HOXB3: variants seen among roughly 807,000 people sequenced by gnomAD.
HOXB3 encodes homeobox B3.
Under a neutral mutation model 29.2 loss-of-function variants are expected in HOXB3, and 17 were observed. The observed-to-expected ratio is 0.58, with a 90% CI of 0.40 to 0.87. The LOEUF (loss-of-function observed/expected upper bound fraction) is 0.87, where lower values mean the gene tolerates loss of function less well. Ranked by LOEUF, HOXB3 falls within the 40% of genes least tolerant of loss-of-function variation. The probability of loss-of-function intolerance (pLI) is 0.00; values close to 1 mark genes in which losing one functional copy is unlikely to be tolerated. For missense variants in HOXB3, 637 were observed against 616.3 expected, an observed-to-expected ratio of 1.03 and a Z score of -0.35; for synonymous variants, 317 against 285.9, an observed-to-expected ratio of 1.11 and a Z score of -1.10.
At chr17:48,566,039 T>G (rs575314681) in intron 2 of HOXB3, among the ~76,000 whole-genome samples, 21 of 152,230 alleles carry the variant, frequency 1.4e-4, no homozygotes, top group Non-Finnish European at 2.8e-4. Flanking sequence ...TGCAATTATA[T>G]AGAGAGGATA....
At chr17:48,573,403 C>T (rs1406627037) in intron 2 of HOXB3, among the ~76,000 whole-genome samples, 3 of 152,172 alleles carry the variant, frequency 2.0e-5, no homozygotes, top group African/African-American at 7.2e-5. Flanking sequence ...GGTAAACAGG[C>T]ATAGGGGACA....
rs898300905 is a variant in HOXB3, at chr17:48,558,614, G to A, written c.-246-2996C>T. ...GATTAGGGCTGGGAGGCTGGAGGAC[G>A]GAGGGTGGAACAGGCACCCCTAAGG... On this transcript the variant is annotated intron_variant, in intron 2 of 4. Coordinates refer to ENST00000498678, the MANE Select transcript of HOXB3 (RefSeq NM_001384749.1). Among the ~76,000 whole-genome samples the A allele has an allele frequency of 4.6e-5, 7 of 152,236 alleles. No individual in the cohort carries two copies. The East Asian group carries it at 1.4e-3, about 29-fold the overall frequency.
intron 2 of HOXB3, among the ~76,000 whole-genome samples, chr17:48,572,561 G>A (rs757766004): frequency 2.6e-5 from 4 of 152,142 alleles, no homozygotes; most frequent in Non-Finnish European, 5.9e-5. Flanking sequence ...AGGTGAAATA[G>A]TAAAGAGATG....
intron 1 of HOXB3, chr17:48,576,383 C>T (rs1172052753): frequency 4.6e-6 from 1 of 215,264 alleles, no homozygotes; most frequent in Non-Finnish European, 9.1e-6. Context: ...CCATCTTCGC[C>T]AAAGCTGAAA....
intron 1 of HOXB3, among the ~76,000 whole-genome samples, chr17:48,587,208 G>A (rs1428388246): frequency 2.6e-5 from 4 of 152,142 alleles, no homozygotes; most frequent in Non-Finnish European, 5.9e-5. Context: ...TTCTGCTTAA[G>A]GGGCCCCCGT....
At chr17:48,576,464 T>C in intron 1 of HOXB3, 1 of 390,254 alleles carries the variant, frequency 2.6e-6, no homozygotes, top group Non-Finnish European at 4.5e-6. Context: ...GCTTTTTCTT[T>C]TTCTTTTTTT....
At chr17:48,583,505 C>T (rs1372728333) in intron 1 of HOXB3, among the ~76,000 whole-genome samples, 1 of 152,190 alleles carries the variant, frequency 6.6e-6, no homozygotes, top group African/African-American at 2.4e-5. Context: ...AGGTGACTCC[C>T]TTTCCTCCCA....
chr17:48,572,642 G>A (rs943135261), intron 2 of HOXB3, among the ~76,000 whole-genome samples: 1 of 152,224 alleles, frequency 6.6e-6, no homozygotes, highest in Non-Finnish European at 1.5e-5. Flanking sequence ...TGTACAGAGA[G>A]ACAGATTAGC....
At chr17:48,569,995 T>C (rs2069530439) in intron 2 of HOXB3, among the ~76,000 whole-genome samples, 1 of 152,198 alleles carries the variant, frequency 6.6e-6, no homozygotes, top group Non-Finnish European at 1.5e-5. Context: ...TCTCTCTACC[T>C]ATGTCACACC....
At position 48,552,336 on chromosome 17, in the gene HOXB3, A is replaced by G. The variant is rs201124186; in HGVS notation, c.139T>C (p.Tyr47His). 6.8e-6 allele frequency: 11 copies of G among 1,613,978 alleles called. No homozygotes were observed. Among genetic ancestry groups the G allele is most frequent in the Non-Finnish European group, 9.3e-6 (11 of 1,179,972 alleles). Reference protein sequence around the residue: ...FQAATHLEGDYQRSACSLQSL... With the variant: ...FQAATHLEGDHQRSACSLQSL... ...TGCAGCGAGCAAGCTGAGCGCTGGT[A>G]GTCGCCCTCCAGGTGCGTGGCGGCC... Residue 47 changes from tyrosine (Y) to histidine (H), a missense_variant, in exon 4 of 5, where the codon TAC becomes CAC. Tyr to His is a moderately conservative substitution (Grantham distance 83). Coordinates refer to ENST00000498678, the MANE Select transcript of HOXB3 (RefSeq NM_001384749.1).
chr17:48,561,620 C>T (rs560702517), intron 2 of HOXB3, among the ~76,000 whole-genome samples: 1 of 152,330 alleles, frequency 6.6e-6, no homozygotes, highest in East Asian at 1.9e-4. Context: ...CACAGAGGTG[C>T]CCAATTTCAG....
intron 1 of HOXB3, among the ~76,000 whole-genome samples, chr17:48,587,131 G>C (rs1406202506): frequency 6.6e-6 from 1 of 152,110 alleles, no homozygotes; most frequent in African/African-American, 2.4e-5. Flanking sequence ...CCTGGGGAGG[G>C]CCACAGGATT....
chr17:48,555,485 A>G (rs1189056816), intron 3 of HOXB3, 46 bp downstream of exon 3: 3 of 701,926 alleles, frequency 4.3e-6, no homozygotes, highest in Non-Finnish European at 7.8e-6. Context: ...ATTGAGACAT[A>G]CTCTCCGCCA....
In HOXB3 at chr17:48,550,257, G is replaced by T; in HGVS notation, c.*77C>A. 1 of 1,586,072 alleles carries T rather than the reference G, an allele frequency of 6.3e-7. No individual in the cohort carries two copies. The highest frequency in any genetic ancestry group is 1.1e-5 in the South Asian group (1 of 87,598). On this transcript the variant is annotated 3_prime_UTR_variant, in exon 5 of 5. Coordinates refer to ENST00000498678, the MANE Select transcript of HOXB3 (RefSeq NM_001384749.1). ...CCACCTTCTCTGGCTCCTCTTTTCA[G>T]ACCTCCAGGTTGCCCCCCAGAGCTC... is the stretch of plus-strand genomic sequence containing the variant.
intron 1 of HOXB3, chr17:48,580,693 C>G (rs2069915816): frequency 6.6e-6 from 1 of 152,250 alleles, no homozygotes; most frequent in Non-Finnish European, 1.5e-5. Context: ...CCCAGCCTCT[C>G]ACACATCCTG....
rs1457017037 is a variant in HOXB3 at position 48,555,630 on chromosome 17, A to T, written c.-246-12T>A. ...ACAAATCTCCCCTCCTTGAAGGCAA[A>T]GGAAAAAAAGACCACTGTTTAAAGC... is the stretch of plus-strand genomic sequence containing the variant. On this transcript the variant is annotated splice_polypyrimidine_tract_variant and intron_variant, in intron 2 of 4. Coordinates refer to ENST00000498678, the MANE Select transcript of HOXB3 (RefSeq NM_001384749.1). The T allele has an allele frequency of 2.6e-5, 18 of 702,552 alleles. 1 individual carries two copies. Among genetic ancestry groups the T allele is most frequent in the Non-Finnish European group, 3.9e-5 (15 of 384,788 alleles). 43.5% of individuals were successfully genotyped at this position (702,552 alleles called of 1,614,324 possible).
intron 2 of HOXB3, among the ~76,000 whole-genome samples, chr17:48,556,122 AG>A (rs1287240009): frequency 6.7e-6 from 1 of 149,458 alleles, no homozygotes; most frequent in East Asian, 2.0e-4. Flanking sequence ...CCAAAAAAAG[AG>A]TAAGAAGAAA....
rs2068720618 is a variant in HOXB3, at chr17:48,551,136, C to G, written c.494G>C (p.Ser165Thr). The change falls in exon 5 of 5, where the codon AGT becomes ACT. Residue 165 changes from serine to threonine, a missense_variant. Transcript: ENST00000498678. ...GCCGCCACCGCCCCCGCTGCCACCA[C>G]TGCCTCCGCCGCCGCCGCCACCGCC... ...GGGGGGGGGG[S>T]GGSGGGGGGG... The G allele has an allele frequency of 7.6e-7, 1 of 1,324,060 alleles. No individual in the cohort carries two copies. The highest frequency in any genetic ancestry group is 9.6e-7 in the Non-Finnish European group (1 of 1,038,642). 82.0% of individuals were successfully genotyped at this position (1,324,060 alleles called of 1,614,324 possible). A position where few individuals can be genotyped will look rare whatever the true frequency, so the allele number is the denominator to read the frequency against.
At chr17:48,561,382 TC>T (rs2069193110) in intron 2 of HOXB3, among the ~76,000 whole-genome samples, 6 of 152,192 alleles carry the variant, frequency 3.9e-5, no homozygotes, top group African/African-American at 1.4e-4. Flanking sequence ...ACTGCTCTCC[TC>T]AGGGCTACTC....
Sources: gnomAD v4.1 joint callset for allele counts (sites outside exome capture counted in the v4.1 genomes callset) on GRCh38, gnomAD v4.1.1 for gene constraint, MANE v1.5 for transcripts, NCBI Gene and HGNC (gene_info 2026-07-23, HGNC 2026-07-21) for gene names.